Variants in JUP observed in about 807,000 individuals in gnomAD.
JUP encodes the protein catenin (cadherin-associated protein), gamma 80kDa.
In JUP, 28 loss-of-function variants were observed where a neutral mutation model predicts 71.1. The observed-to-expected ratio is 0.39, with a 90% CI of 0.29 to 0.54. JUP has a LOEUF of 0.54. Ranked by LOEUF, JUP falls within the 20% of genes least tolerant of loss-of-function variation. JUP has a pLI of 0.62. For missense variants in JUP, 869 were observed against 1,030.1 expected (o/e 0.84, Z 2.14); for synonymous variants, 401 against 438.9 (o/e 0.91, Z 1.08).
At chr17:41,755,970 C>T in intron 13 of JUP, 75 bp from the exon 14 acceptor site, 4 of 1,540,554 alleles carry the variant, frequency 2.6e-6, no homozygotes, top group South Asian at 1.2e-5. Flanking sequence ...CAGCCTTCAG[C>T]TGCCTCCTCT....
At chr17:41,770,089 C>T (rs1555606246) in intron 2 of JUP, among the ~76,000 whole-genome samples, 1 of 152,114 alleles carries the variant, frequency 6.6e-6, no homozygotes, top group Non-Finnish European at 1.5e-5. Flanking sequence ...GCCCAAACCC[C>T]TACTCTATTC....
Position 41,781,998 on chromosome 17 carries a change from C to T in JUP, c.-9+4590G>A, listed in dbSNP as rs76617214. ...TCTTCTCTGTCTCAAGTCCCATTAGCCTTCTCCACGATCAATAATCCCGTT... is the reference window on the plus strand; with the variant it reads ...TCTTCTCTGTCTCAAGTCCCATTAGTCTTCTCCACGATCAATAATCCCGTT... On this transcript the variant is annotated intron_variant, in intron 1 of 13. Transcript: ENST00000393931. Among the ~76,000 whole-genome samples the T allele has an allele frequency of 2.7e-4, 41 of 152,298 alleles. No homozygotes were observed. The East Asian group carries it at 7.7e-3, about 29-fold the overall frequency.
chr17:41,755,561 C>A lies in JUP; in HGVS notation c.*183G>T, dbSNP rs1462824692. ...CCAGCAGGAATAGGCCTCCCCATCC[C>A]CACCAAAGACACAAGAAGAAGGCAG... On this transcript the variant is annotated 3_prime_UTR_variant, in exon 14 of 14. Coordinates refer to ENST00000393931, the MANE Select transcript of JUP (RefSeq NM_002230.4). 1 of 548,858 alleles carries A rather than the reference C, an allele frequency of 1.8e-6. No individual in the cohort carries two copies. Among genetic ancestry groups the A allele is most frequent in the Non-Finnish European group, 3.0e-6 (1 of 332,206 alleles). 34.0% of individuals were successfully genotyped at this position (548,858 alleles called of 1,614,324 possible). A position where few individuals can be genotyped will look rare whatever the true frequency, so the allele number is the denominator to read the frequency against.
At position 41,769,073 on chromosome 17, in the gene JUP, T is replaced by C. The variant is rs1916155351; in HGVS notation, c.603A>G (p.Thr201=). Residue 201 remains threonine, a synonymous_variant, in exon 4 of 14, where the codon ACA becomes ACG. Coordinates refer to ENST00000393931, the MANE Select transcript of JUP (RefSeq NM_002230.4). ...GCAGGATGCTGGTGGTGCAGCGGGCTGTGTCCAGGTCGCTGGTATTCTGCA... is the reference window on the plus strand; with the variant it reads ...GCAGGATGCTGGTGGTGCAGCGGGCCGTGTCCAGGTCGCTGGTATTCTGCA... ...RTMQNTSDLD[T]ARCTTSILHN... 1 of 1,613,314 alleles carries C rather than the reference T, an allele frequency of 6.2e-7. No individual in the cohort carries two copies. The highest frequency in any genetic ancestry group is 8.5e-7 in the Non-Finnish European group (1 of 1,179,884).
In JUP at chr17:41,769,276, G is replaced by GAGGAGGGCCCC. The variant is rs1472359066; in HGVS notation, c.469-80_469-70dup. ...GGCCGGGATACCCTTCCACAGAGCT[G>GAGGAGGGCCCC]AGGAGGGCCCCAGTCAGACTCATCA... is the stretch of plus-strand genomic sequence containing the variant. On this transcript the variant is annotated intron_variant, in intron 3 of 13. Coordinates refer to ENST00000393931, the MANE Select transcript of JUP (RefSeq NM_002230.4). The GAGGAGGGCCCC allele has an allele frequency of 2.6e-6, 4 of 1,562,548 alleles. No individual in the cohort carries two copies. The Admixed American group carries it at 6.7e-5, about 26-fold the overall frequency.
chr17:41,775,379 G>A (rs567975664), intron 1 of JUP, among the ~76,000 whole-genome samples: 1 of 152,302 alleles, frequency 6.6e-6, no homozygotes, highest in South Asian at 2.1e-4. Context: ...ACCTCAGGCA[G>A]GACTGTCAAC....
chr17:41,758,172 T>A (rs1346578842), intron 10 of JUP: 3 of 555,422 alleles, frequency 5.4e-6, no homozygotes, highest in East Asian at 5.8e-5. Context: ...AGTTTTTTTG[T>A]TTTTTGTTTT....
rs1555605222 is a variant in JUP at position 41,769,064 on chromosome 17, G to A, written c.612C>T (p.Cys204=). 6.2e-7 allele frequency: 1 copy of A among 1,613,262 alleles called. No homozygotes were observed. Among genetic ancestry groups the A allele is most frequent in the African/African-American group, 1.3e-5 (1 of 75,054 alleles). Residue 204 remains cysteine, a synonymous_variant, in exon 4 of 14, where the codon TGC becomes TGT. Coordinates refer to ENST00000393931, the MANE Select transcript of JUP (RefSeq NM_002230.4). ...QNTSDLDTAR[C]TTSILHNLSH... is the part of the protein sequence containing the mutation. ...AGAGGTTGTGCAGGATGCTGGTGGTGCAGCGGGCTGTGTCCAGGTCGCTGG... is the reference window on the plus strand; with the variant it reads ...AGAGGTTGTGCAGGATGCTGGTGGTACAGCGGGCTGTGTCCAGGTCGCTGG...
intron 11 of JUP, 32 bp from the exon 12 acceptor site, chr17:41,757,568 A>G: frequency 1.2e-6 from 2 of 1,614,106 alleles, no homozygotes; most frequent in Non-Finnish European, 1.7e-6. Flanking sequence ...AGCCAGGTTA[A>G]ACGTCGGCCA....
chr17:41,775,918 C>A, intron 1 of JUP: 2 of 975,918 alleles, frequency 2.0e-6, no homozygotes, highest in Non-Finnish European at 2.4e-6. Flanking sequence ...CACCCTAAAT[C>A]CAAGACTGAC....
At chr17:41,777,731 C>T (rs1432123018) in intron 1 of JUP, among the ~76,000 whole-genome samples, 2 of 152,206 alleles carry the variant, frequency 1.3e-5, no homozygotes, top group Non-Finnish European at 2.9e-5. Flanking sequence ...TCAGGCCTGC[C>T]GACCCAGCTG....
Position 41,755,795 on chromosome 17 carries a change from G to A in JUP, c.2187C>T (p.Tyr729=), listed in dbSNP as rs782345850. The part of the protein sequence containing the change: ...DMDGDYPIDT[Y]SDGLRPPYPT... ...GGTACGGGGGCCTGAGGCCGTCGCT[G>A]TAGGTGTCGATGGGGTAGTCTCCAT... Residue 729 remains tyrosine, a synonymous_variant, in exon 14 of 14, where the codon TAC becomes TAT. Transcript: ENST00000393931. 9 of 1,612,726 alleles carry A rather than the reference G, an allele frequency of 5.6e-6. No individual in the cohort carries two copies. The highest frequency in any genetic ancestry group is 7.6e-6 in the Non-Finnish European group (9 of 1,179,396).
chr17:41,769,365 C>A (rs71373451), intron 3 of JUP, 53 bp downstream of exon 3: 1 of 1,584,916 alleles, frequency 6.3e-7, no homozygotes, highest in South Asian at 1.1e-5. Context: ...CTGAGGACAT[C>A]TGCTCTCTCC....
chr17:41,757,190 C>T (rs1913959748), intron 12 of JUP, among the ~76,000 whole-genome samples: 3 of 152,170 alleles, frequency 2.0e-5, no homozygotes, highest in Admixed American at 1.3e-4. Flanking sequence ...AAAAAGGCAC[C>T]CCCACCTCAA....
chr17:41,761,359 G>T (rs1379727410), intron 8 of JUP, among the ~76,000 whole-genome samples: 1 of 152,160 alleles, frequency 6.6e-6, no homozygotes, highest in Non-Finnish European at 1.5e-5. Context: ...AGTGATGTGT[G>T]CCACTTTCTG....
At chr17:41,768,645 G>C (rs1362497381) in intron 4 of JUP, among the ~76,000 whole-genome samples, 1 of 151,972 alleles carries the variant, frequency 6.6e-6, no homozygotes, top group African/African-American at 2.4e-5. Context: ...TGCATTTGCT[G>C]TTCCCTCTGC....
intron 8 of JUP, among the ~76,000 whole-genome samples, chr17:41,762,174 A>G (rs200280708): frequency 2.4e-5 from 1 of 42,354 alleles, no homozygotes; most frequent in Admixed American, 2.6e-4. Flanking sequence ...AGAGAGAGAG[A>G]GAGTGTGTGT....
Position 41,755,612 on chromosome 17 carries a change from G to T in JUP, c.*132C>A. ...GCCAGGGCACACCGTGCTTGGGGAA[G>T]CTCAGCAGCAAAGGATCCCCCCAAA... On this transcript the variant is annotated 3_prime_UTR_variant, in exon 14 of 14. Transcript: ENST00000393931. The T allele has an allele frequency of 2.2e-6, 2 of 892,180 alleles. No homozygotes were observed. Among genetic ancestry groups the T allele is most frequent in the Non-Finnish European group, 3.3e-6 (2 of 612,538 alleles). The allele number at this position is 892,180 out of a possible 1,614,324, so 55.3% of individuals were successfully genotyped here. A position where few individuals can be genotyped will look rare whatever the true frequency, so the allele number is the denominator to read the frequency against.
chr17:41,757,835 A>AGG, intron 10 of JUP, 51 bp from the exon 11 acceptor site: 1 of 1,514,570 alleles, frequency 6.6e-7, no homozygotes, highest in Non-Finnish European at 9.0e-7. Flanking sequence ...GGGGTGAGGC[A>AGG]GGCCGGACAA....
Sources: gnomAD v4.1 joint callset for allele counts (sites outside exome capture counted in the v4.1 genomes callset) on GRCh38, gnomAD v4.1.1 for gene constraint, MANE v1.5 for transcripts, NCBI Gene and HGNC (gene_info 2026-07-23, HGNC 2026-07-21) for gene names.